Variants in CELF4 observed in about 807,000 individuals in gnomAD.
CELF4 encodes CUGBP Elav-like family member 4, also known as CUG-BP- and ETR-3-like factor 4.
A neutral mutation model predicts 59.9 loss-of-function variants in CELF4; 18 were observed. The ratio of observed to expected loss-of-function variants is 0.30; its 90% CI spans 0.21 to 0.45. The LOEUF (loss-of-function observed/expected upper bound fraction) is 0.45, where lower values mean the gene tolerates loss of function less well. Ranked by LOEUF, CELF4 falls within the 20% of genes least tolerant of loss-of-function variation. CELF4 has a pLI of 1.00. For missense variants in CELF4, 456 were observed against 689.0 expected (o/e 0.66, Z 3.79); for synonymous variants, 261 against 267.1 (o/e 0.98, Z 0.22).
chr18:37,513,975 T>C (rs2099947641), intron 1 of CELF4, among the ~76,000 whole-genome samples: 1 of 147,650 alleles, frequency 6.8e-6, no homozygotes, highest in African/African-American at 2.6e-5. Flanking sequence ...TGTGTGTGTG[T>C]GTGTGTGTAT....
At chr18:37,358,190 G>A (rs1381000610) in intron 2 of CELF4, among the ~76,000 whole-genome samples, 1 of 152,282 alleles carries the variant, frequency 6.6e-6, no homozygotes, top group East Asian at 1.9e-4. Flanking sequence ...ATTCCCACAT[G>A]TTGTGGGAGG....
In CELF4 at chr18:37,525,684, C is replaced by G. The variant is rs142422150; in HGVS notation, c.286+39672G>C. 5.6e-3 allele frequency among the ~76,000 whole-genome samples: 855 copies of G among 152,154 alleles called. 10 individuals carry two copies. Among genetic ancestry groups the G allele is most frequent in the African/African-American group, 0.019 (805 of 41,490 alleles). On this transcript the variant is annotated intron_variant, in intron 1 of 12. Transcript: ENST00000420428. ...GGCTGATGGGTCTACAGTATTTCCT[C>G]AAACTTCCATGACAAGAGAATGGGA...
intron 3 of CELF4, among the ~76,000 whole-genome samples, chr18:37,297,579 T>A (rs750582090): frequency 1.3e-5 from 2 of 152,196 alleles, no homozygotes; most frequent in Non-Finnish European, 2.9e-5. Flanking sequence ...AACAGTGACA[T>A]GCGTACATCC....
intron 2 of CELF4, among the ~76,000 whole-genome samples, chr18:37,338,112 ACT>A (rs1220105358): frequency 2.3e-5 from 2 of 85,252 alleles, no homozygotes; most frequent in African/African-American, 5.7e-5. Flanking sequence ...CACTACTGTC[ACT>A]GCCACCACCA....
At chr18:37,263,717 C>T (rs1175804723) in intron 10 of CELF4, among the ~76,000 whole-genome samples, 1 of 152,064 alleles carries the variant, frequency 6.6e-6, no homozygotes, top group East Asian at 1.9e-4. Context: ...CTGTCCTGCC[C>T]TGTTCACACC....
At chr18:37,482,159 G>A (rs1490570341) in intron 2 of CELF4, among the ~76,000 whole-genome samples, 1 of 152,182 alleles carries the variant, frequency 6.6e-6, no homozygotes, top group Non-Finnish European at 1.5e-5. Context: ...CTCCAAGCGG[G>A]GAGGTGGATG....
chr18:37,326,560 C>T (rs1250152433), intron 2 of CELF4, among the ~76,000 whole-genome samples: 1 of 152,180 alleles, frequency 6.6e-6, no homozygotes, highest in Non-Finnish European at 1.5e-5. Flanking sequence ...GTGTCTTCCT[C>T]CAGGTGCCTG....
chr18:37,479,992 G>T (rs555147541), intron 2 of CELF4, among the ~76,000 whole-genome samples: 2 of 152,210 alleles, frequency 1.3e-5, no homozygotes, highest in African/African-American at 4.8e-5. Context: ...TCCCAGAAGC[G>T]AGGAGAGAGG....
intron 11 of CELF4, among the ~76,000 whole-genome samples, chr18:37,257,890 A>G (rs2071082020): frequency 6.6e-6 from 1 of 152,136 alleles, no homozygotes; most frequent in African/African-American, 2.4e-5. Flanking sequence ...AGGAGGTCGG[A>G]GGGCAACAAG....
chr18:37,563,321 A>C (rs773464137), intron 1 of CELF4, among the ~76,000 whole-genome samples: 12 of 152,180 alleles, frequency 7.9e-5, no homozygotes, highest in Non-Finnish European at 1.6e-4. Flanking sequence ...TATGAAGCCC[A>C]GCTCCTCATA....
At chr18:37,421,559 T>C in intron 2 of CELF4, among the ~76,000 whole-genome samples, 1 of 145,634 alleles carries the variant, frequency 6.9e-6, no homozygotes, top group Non-Finnish European at 1.5e-5. Flanking sequence ...GTCATGCGTG[T>C]GAGTCATGTC....
At chr18:37,517,520 T>C (rs935882392) in intron 1 of CELF4, among the ~76,000 whole-genome samples, 1 of 152,102 alleles carries the variant, frequency 6.6e-6, no homozygotes, top group African/African-American at 2.4e-5. Flanking sequence ...TCTTACACTG[T>C]CCAGGTTTTA....
chr18:37,530,209 C>T (rs2099968094), intron 1 of CELF4, among the ~76,000 whole-genome samples: 1 of 152,202 alleles, frequency 6.6e-6, no homozygotes, highest in Non-Finnish European at 1.5e-5. Flanking sequence ...GTTCTTCATA[C>T]AGGTGATTTC....
intron 2 of CELF4, among the ~76,000 whole-genome samples, chr18:37,398,580 A>C (rs1259604070): frequency 6.6e-6 from 1 of 152,096 alleles, no homozygotes; most frequent in East Asian, 1.9e-4. Context: ...CTGAGACATA[A>C]GGCTGCAGCC....
At chr18:37,496,956 G>A (rs1025436479) in intron 1 of CELF4, among the ~76,000 whole-genome samples, 1 of 152,112 alleles carries the variant, frequency 6.6e-6, no homozygotes, top group African/African-American at 2.4e-5. Context: ...AGAGGGGTAG[G>A]GGCTCTGGGT....
chr18:37,528,049 A>G (rs931092476), intron 1 of CELF4, among the ~76,000 whole-genome samples: 1 of 152,196 alleles, frequency 6.6e-6, no homozygotes, highest in African/African-American at 2.4e-5. Context: ...CCTGACCTTC[A>G]GTTTGCAGGT....
intron 1 of CELF4, among the ~76,000 whole-genome samples, chr18:37,508,035 C>T (rs576693957): frequency 3.9e-5 from 6 of 152,204 alleles, no homozygotes; most frequent in Non-Finnish European, 8.8e-5. Context: ...CGCCATCACT[C>T]GCCAAGTTTG....
Position 37,547,160 on chromosome 18 carries a change from G to GTGTGT in CELF4, c.286+18195_286+18196insACACA, listed in dbSNP as rs61235122. On this transcript the variant is annotated intron_variant, in intron 1 of 12. Coordinates refer to ENST00000420428, the MANE Select transcript of CELF4 (RefSeq NM_020180.4). ...GCTTAGTGTATGTGTGTGTGTGTGT[G>GTGTGT]GTGTGTGTGTGTGTGTGTGTGTGTG... 1.1e-3 allele frequency among the ~76,000 whole-genome samples: 156 copies of GTGTGT among 144,246 alleles called. 1 individual carries two copies. Among genetic ancestry groups the GTGTGT allele is most frequent in the South Asian group, 4.6e-3 (20 of 4,308 alleles). The allele number at this position is 144,246 out of a possible 152,430, so 94.6% of individuals were successfully genotyped here.
rs139863917 is a variant in CELF4, at chr18:37,306,999, C to T, written c.448+14804G>A. 5.0e-3 allele frequency among the ~76,000 whole-genome samples: 754 copies of T among 152,276 alleles called. 8 individuals are homozygous for T. The highest frequency in any genetic ancestry group is 0.017 in the African/African-American group (700 of 41,562). On this transcript the variant is annotated intron_variant, in intron 3 of 12. Transcript: ENST00000420428. The stretch of plus-strand genomic sequence containing the variant: ...CACGTTTGCCACCTCTGTGGTCTGG[C>T]CACTTTAGGCATGGGGGCAGGTGGG...
Sources: allele counts gnomAD v4.1 joint callset (sites outside exome capture counted in the v4.1 genomes callset), GRCh38; gene constraint gnomAD v4.1.1; transcripts MANE v1.5; gene names NCBI Gene and HGNC (gene_info 2026-07-23, HGNC 2026-07-21).